The following WHRN variants were observed in gnomAD, a reference collection of about 807,000 sequenced individuals.
WHRN encodes whirlin, also known as CASK-interacting protein CIP98.
Under a neutral mutation model 68.3 loss-of-function variants are expected in WHRN, and 41 were observed. The ratio of observed to expected loss-of-function variants is 0.60; its 90% CI spans 0.47 to 0.78. WHRN has a LOEUF of 0.78. Among genes scored for constraint, WHRN ranks in the 30% least tolerant of loss-of-function variants. The pLI, the probability that WHRN is intolerant of heterozygous loss-of-function variation, is 0.00. For synonymous variants in WHRN, 560 were observed against 561.3 expected, an observed-to-expected ratio of 1.00 and a Z score of 0.03; for missense variants, 1,243 against 1,244.7, an observed-to-expected ratio of 1.00 and a Z score of 0.02.
intron 1 of WHRN, among the ~76,000 whole-genome samples, chr9:114,493,379 T>TG (rs60740371): frequency 0.31 from 11,094 of 35,416 alleles, 816 homozygotes; most frequent in East Asian, 0.53. Flanking sequence ...AAAGTGGGGG[T>TG]GGGGGGGTGG....
At chr9:114,497,424 A>C (rs1843551682) in intron 1 of WHRN, among the ~76,000 whole-genome samples, 1 of 152,202 alleles carries the variant, frequency 6.6e-6, no homozygotes, top group African/African-American at 2.4e-5. Context: ...AGAATAAAGC[A>C]GCTTTTAAGC....
At position 114,472,670 on chromosome 9, in the gene WHRN, T is replaced by C. The variant is rs796450941; in HGVS notation, c.837+5883A>G. ...TTGACAGTGGCTAAGGTGTTGTCTG[T>C]TCTTTGTCTGTTCACTGCTGTATCC... On this transcript the variant is annotated intron_variant, in intron 2 of 11. Coordinates refer to ENST00000362057, the MANE Select transcript of WHRN (RefSeq NM_015404.4). Among the ~76,000 whole-genome samples, 37 of 152,250 alleles carry C rather than the reference T, an allele frequency of 2.4e-4. 1 individual carries two copies. Among genetic ancestry groups the C allele is most frequent in the African/African-American group, 8.9e-4 (37 of 41,550 alleles).
At chr9:114,496,395 C>T (rs1158522722) in intron 1 of WHRN, among the ~76,000 whole-genome samples, 6 of 152,260 alleles carry the variant, frequency 3.9e-5, no homozygotes, top group Non-Finnish European at 4.4e-5. Context: ...GGAGCAATTA[C>T]GTTTTTAAAG....
intron 3 of WHRN, 76 bp from the exon 4 acceptor site, chr9:114,426,489 C>T: frequency 6.5e-7 from 1 of 1,542,760 alleles, no homozygotes; most frequent in Non-Finnish European, 8.9e-7. Flanking sequence ...AGCCCAGATC[C>T]CAATTCTCCT....
intron 2 of WHRN, among the ~76,000 whole-genome samples, chr9:114,467,643 C>A (rs886214258): frequency 3.3e-5 from 5 of 152,090 alleles, no homozygotes; most frequent in African/African-American, 7.2e-5. Context: ...CAGGGTGGGG[C>A]TCACAAGGAC....
rs531080430 is a variant in WHRN, at chr9:114,426,910, T to C, written c.964-497A>G. Among the ~76,000 whole-genome samples the C allele has an allele frequency of 3.3e-5, 5 of 152,340 alleles. No individual in the cohort carries two copies. In the East Asian group the frequency reaches 9.6e-4, roughly 29 times the overall value. ...CAGCAATAAATGAGAAAATTAGTTT[T>C]CCGTTAAAGCAGTACATATGGCTTA... On this transcript the variant is annotated intron_variant, in intron 3 of 11. Coordinates refer to ENST00000362057, the MANE Select transcript of WHRN (RefSeq NM_015404.4).
intron 3 of WHRN, among the ~76,000 whole-genome samples, chr9:114,460,846 C>A (rs752983757): frequency 1.3e-5 from 2 of 152,228 alleles, no homozygotes; most frequent in Admixed American, 6.5e-5. Context: ...ACAAATAAAA[C>A]CTTTTCTTGG....
chr9:114,408,147 C>T (rs1033859278), intron 7 of WHRN, 129 bp from the exon 8 acceptor site: 2 of 750,490 alleles, frequency 2.7e-6, no homozygotes, highest in Admixed American at 2.0e-5. Flanking sequence ...CCCTGACATA[C>T]CTCACTTCAT....
chr9:114,406,707 G>T lies in WHRN; in HGVS notation c.1884C>A (p.Ser628Arg), dbSNP rs148010206. The T allele has an allele frequency of 4.3e-6, 7 of 1,613,994 alleles. No individual in the cohort carries two copies. The African/African-American group carries it at 6.7e-5, about 15-fold the overall frequency. ...GTVFSAPQNR[S>R]PPAGTAPTPG... ...GGGTGGGTGCGGTGCCCGCTGGCGG[G>T]CTGCGGTTCTGTGGAGCCGAGAAGA... The change falls in exon 9 of 12, where the codon AGC (serine) becomes AGA (arginine). Residue 628 changes from serine (S) to arginine (R), a missense_variant. Ser to Arg is a moderately radical substitution (Grantham distance 110). Coordinates refer to ENST00000362057, the MANE Select transcript of WHRN (RefSeq NM_015404.4).
intron 3 of WHRN, among the ~76,000 whole-genome samples, chr9:114,434,111 G>A (rs1837644548): frequency 7.0e-6 from 1 of 143,282 alleles, no homozygotes; most frequent in Non-Finnish European, 1.5e-5. Flanking sequence ...AAATTACAGA[G>A]GTCAAACACA....
intron 6 of WHRN, 99 bp downstream of exon 6, chr9:114,424,235 G>A (rs1292815676): frequency 7.1e-7 from 1 of 1,410,158 alleles, no homozygotes. Flanking sequence ...TTCAGTTCAG[G>A]CCTGACCCCT....
At chr9:114,441,978 G>A (rs1186235402) in intron 3 of WHRN, among the ~76,000 whole-genome samples, 2 of 152,068 alleles carry the variant, frequency 1.3e-5, no homozygotes, top group Non-Finnish European at 2.9e-5. Flanking sequence ...CTAACATCAC[G>A]GGACCCACCA....
intron 2 of WHRN, among the ~76,000 whole-genome samples, chr9:114,468,366 G>A (rs1840904897): frequency 6.6e-6 from 1 of 152,064 alleles, no homozygotes; most frequent in African/African-American, 2.4e-5. Flanking sequence ...TCAGACCTGG[G>A]TTCTGCCCAC....
intron 2 of WHRN, among the ~76,000 whole-genome samples, chr9:114,475,300 G>C (rs971227292): frequency 6.6e-6 from 1 of 152,116 alleles, no homozygotes; most frequent in Non-Finnish European, 1.5e-5. Context: ...GAGCTATAGA[G>C]GCTGCGGGTT....
Position 114,425,378 on chromosome 9 carries a change from G to A in WHRN, c.1167-354C>T, listed in dbSNP as rs572662091. ...GTCAGGCCAACCCTCAGGAGCTTAG[G>A]GGCCGGTGAACTGGAGATCCCAGAT... On this transcript the variant is annotated intron_variant, in intron 4 of 11. Transcript: ENST00000362057. 11 of 582,064 alleles carry A rather than the reference G, an allele frequency of 1.9e-5. No individual in the cohort carries two copies. The East Asian group carries it at 3.1e-4, about 16-fold the overall frequency. The allele number at this position is 582,064 out of a possible 1,614,324, so 36.1% of individuals were successfully genotyped here. A position where few individuals can be genotyped will look rare whatever the true frequency, so the allele number is the denominator to read the frequency against.
chr9:114,405,066 CTCTCTT>C (rs1474660483), intron 9 of WHRN, among the ~76,000 whole-genome samples: 14 of 118,700 alleles, frequency 1.2e-4, no homozygotes, highest in African/African-American at 4.2e-4. Context: ...TTCTCTCTCT[CTCTCTT>C]TTTTTTTTTT....
At position 114,504,721 on chromosome 9, in the gene WHRN, G is replaced by A; in HGVS notation, c.81C>T (p.Gly27=). ...SLGSAAGAGG[G]GGAGLRLLSA... is the part of the protein sequence containing the mutation. ...ACAGTAACCGCAGCCCCGCGCCCCC[G>A]CCGCCGCCCGCCCCGGCCGCCGAGC... is the stretch of plus-strand genomic sequence containing the variant. Residue 27 remains glycine, a synonymous_variant, in exon 1 of 12, where the codon GGC becomes GGT. Coordinates refer to ENST00000362057, the MANE Select transcript of WHRN (RefSeq NM_015404.4). 1 of 1,505,886 alleles carries A rather than the reference G, an allele frequency of 6.6e-7. No homozygotes were observed. Among genetic ancestry groups the A allele is most frequent in the African/African-American group, 1.4e-5 (1 of 69,698 alleles). 93.3% of individuals were successfully genotyped at this position (1,505,886 alleles called of 1,614,324 possible). A position where few individuals can be genotyped will look rare whatever the true frequency, so the allele number is the denominator to read the frequency against.
At chr9:114,467,013 CTCCTGTCACCTCAGGGGTA>C (rs1840765480) in intron 2 of WHRN, among the ~76,000 whole-genome samples, 1 of 151,554 alleles carries the variant, frequency 6.6e-6, no homozygotes, top group Non-Finnish European at 1.5e-5. Context: ...CCCCAGGGGT[CTCCTGTCACCTCAGGGGTA>C]TCCTGTCACC....
chr9:114,478,575 A>C lies in WHRN; in HGVS notation c.815T>G (p.Leu272Arg). 1 of 1,614,022 alleles carries C rather than the reference A, an allele frequency of 6.2e-7. No homozygotes were observed. Residue 272 changes from leucine to arginine, a missense_variant, in exon 2 of 12, where the codon CTG becomes CGG. Leu to Arg is a moderately radical substitution (Grantham distance 102). Coordinates refer to ENST00000362057, the MANE Select transcript of WHRN (RefSeq NM_015404.4). ...EGDRRSTLHLLQGGDEKKVNL... is the reference protein window; with the variant it reads ...EGDRRSTLHLRQGGDEKKVNL... ...CACCTTTTTCTCATCCCCTCCTTGC[A>C]GGAGGTGCAGGGTGCTCCTCCGGTC...
Sources: gnomAD v4.1 joint callset for allele counts (sites outside exome capture counted in the v4.1 genomes callset) on GRCh38, gnomAD v4.1.1 for gene constraint, MANE v1.5 for transcripts, NCBI Gene and HGNC (gene_info 2026-07-23, HGNC 2026-07-21) for gene names.